Variants in CDH11 observed in about 807,000 individuals in gnomAD.
The protein encoded by CDH11 is cadherin 11.
In CDH11, 11 loss-of-function variants were observed where a neutral mutation model predicts 67.8. The observed-to-expected ratio is 0.16, with a 90% confidence interval of 0.10 to 0.27. The LOEUF (loss-of-function observed/expected upper bound fraction) is 0.27, where lower values mean the gene tolerates loss of function less well. CDH11 is among the 10% of genes least tolerant of loss of function. The pLI is 1.00. For synonymous variants in CDH11, 419 were observed against 400.0 expected, an observed-to-expected ratio of 1.05 and a Z score of -0.57; for missense variants, 847 against 1,031.2, an observed-to-expected ratio of 0.82 and a Z score of 2.45.
At chr16:65,059,280 C>A (rs568987262) in intron 1 of CDH11, among the ~76,000 whole-genome samples, 2 of 152,158 alleles carry the variant, frequency 1.3e-5, no homozygotes, top group East Asian at 1.9e-4. Context: ...TGATGCCCAA[C>A]GTCTATCTGT....
chr16:65,051,135 T>C (rs888648113), intron 2 of CDH11, among the ~76,000 whole-genome samples: 3 of 152,164 alleles, frequency 2.0e-5, no homozygotes, highest in African/African-American at 7.2e-5. Context: ...GGTGCGTTTG[T>C]AGGGGAGTGC....
At chr16:64,957,151 A>G (rs1567488235) in intron 11 of CDH11, among the ~76,000 whole-genome samples, 1 of 152,150 alleles carries the variant, frequency 6.6e-6, no homozygotes, top group East Asian at 1.9e-4. Context: ...TCAGTCACTC[A>G]GCAGCTTCCC....
intron 1 of CDH11, among the ~76,000 whole-genome samples, chr16:65,080,055 C>T (rs962749219): frequency 6.6e-6 from 1 of 152,056 alleles, no homozygotes; most frequent in African/African-American, 2.4e-5. Flanking sequence ...TTGGCTTACA[C>T]TATTTTTTTT....
intron 2 of CDH11, among the ~76,000 whole-genome samples, chr16:65,011,801 C>G (rs1319470163): frequency 6.6e-6 from 1 of 152,060 alleles, no homozygotes; most frequent in Non-Finnish European, 1.5e-5. Context: ...TTCATTTGTT[C>G]TTTTGTATGA....
chr16:64,960,733 G>T (rs556884675), intron 11 of CDH11, among the ~76,000 whole-genome samples: 1 of 152,186 alleles, frequency 6.6e-6, no homozygotes, highest in South Asian at 2.1e-4. Context: ...ACATGGTAGA[G>T]GTAAAGTGTA....
Position 64,945,387 on chromosome 16 carries a change from A to T in CDH11, c.*2216T>A, listed in dbSNP as rs1473431913. The T allele has an allele frequency of 9.7e-7, 1 of 1,030,950 alleles. No individual in the cohort carries two copies. The highest frequency in any genetic ancestry group is 1.7e-5 in the African/African-American group (1 of 59,670). 63.9% of individuals were successfully genotyped at this position (1,030,950 alleles called of 1,614,324 possible). On this transcript the variant is annotated 3_prime_UTR_variant, in exon 13 of 13. Transcript: ENST00000268603. ...GCCTTTTTAAAAAAGACTTCAACATAAAAATGCGAAAATGTAGTTGTCATC... is the reference window on the plus strand; with the variant it reads ...GCCTTTTTAAAAAAGACTTCAACATTAAAATGCGAAAATGTAGTTGTCATC...
At chr16:65,019,656 T>C (rs1412854512) in intron 2 of CDH11, among the ~76,000 whole-genome samples, 3 of 152,124 alleles carry the variant, frequency 2.0e-5, no homozygotes, top group African/African-American at 7.2e-5. Context: ...TTAAGGAGCA[T>C]ATTAGTGTTC....
chr16:65,086,142 T>C (rs2074694503), intron 1 of CDH11, among the ~76,000 whole-genome samples: 1 of 152,234 alleles, frequency 6.6e-6, no homozygotes, highest in African/African-American at 2.4e-5. Context: ...TCTGGAGCTT[T>C]CAGTCCTTGA....
chr16:65,068,228 A>C (rs2074353156), intron 1 of CDH11, among the ~76,000 whole-genome samples: 1 of 147,194 alleles, frequency 6.8e-6, no homozygotes, highest in African/African-American at 2.5e-5. Flanking sequence ...GAAAGAGGGA[A>C]GGAGGGAGGA....
At position 64,998,587 on chromosome 16, in the gene CDH11, G is replaced by A. The variant is rs1015236137; in HGVS notation, c.498C>T (p.Ala166=). The change falls in exon 4 of 13, where the codon GCC becomes GCT. Residue 166 remains alanine, a synonymous_variant. Coordinates refer to ENST00000268603, the MANE Select transcript of CDH11 (RefSeq NM_001797.4). ...PPEFLHETYH[A]NVPERSNVGT... is the part of the protein sequence containing the mutation. ...CCACATTGGACCTCTCAGGCACGTT[G>A]GCATGATAGGTCTCGTGCAGGAACT... 1 of 1,613,980 alleles carries A rather than the reference G, an allele frequency of 6.2e-7. No homozygotes were observed. The highest frequency in any genetic ancestry group is 1.7e-5 in the Admixed American group (1 of 59,998).
intron 11 of CDH11, among the ~76,000 whole-genome samples, chr16:64,956,277 T>C (rs913303770): frequency 4.3e-4 from 66 of 152,350 alleles, no homozygotes; most frequent in African/African-American, 1.4e-3. Context: ...ATTCCATTCA[T>C]AAAGCTACTT....
chr16:64,972,171 CAG>C, intron 9 of CDH11, 107 bp from the exon 10 acceptor site: 1 of 926,278 alleles, frequency 1.1e-6, no homozygotes, highest in East Asian at 2.5e-5. Context: ...CTGGGCAGTG[CAG>C]GGAAAGATGT....
intron 6 of CDH11, among the ~76,000 whole-genome samples, chr16:64,990,588 T>C (rs368573892): frequency 1.6e-5 from 2 of 127,114 alleles, no homozygotes; most frequent in East Asian, 6.9e-4. Flanking sequence ...AACTCTGACT[T>C]TGCCACATTT....
chr16:65,074,068 T>C (rs1370793152), intron 1 of CDH11, among the ~76,000 whole-genome samples: 1 of 152,222 alleles, frequency 6.6e-6, no homozygotes, highest in South Asian at 2.1e-4. Flanking sequence ...ATTTGTTGTT[T>C]TGTTTTGTTC....
At chr16:65,022,242 T>G (rs75942656) in intron 2 of CDH11, among the ~76,000 whole-genome samples, 813 of 30,262 alleles carry the variant, frequency 0.027, 10 homozygotes, top group African/African-American at 0.076. Context: ...AGAAAACCAA[T>G]TTAAAAAAAA....
At chr16:65,075,944 CAG>C (rs746352708) in intron 1 of CDH11, among the ~76,000 whole-genome samples, 91 of 152,282 alleles carry the variant, frequency 6.0e-4, no homozygotes, top group Admixed American at 1.4e-3. Context: ...GATTTATGGG[CAG>C]AGTCTAATAC....
intron 12 of CDH11, among the ~76,000 whole-genome samples, chr16:64,949,978 T>C (rs35146): frequency 0.26 from 39,582 of 152,082 alleles, 5,989 homozygotes; most frequent in Middle Eastern, 0.36. Context: ...CATGAATTCA[T>C]TCGAGGTAGG....
chr16:65,091,040 C>T (rs12708871), intron 1 of CDH11, among the ~76,000 whole-genome samples: 138,466 of 152,306 alleles, frequency 0.91, 63,016 homozygotes, highest in East Asian at 1. Flanking sequence ...CTCTGATATA[C>T]GCATAAGTGC....
chr16:65,059,280 C>T (rs568987262), intron 1 of CDH11, among the ~76,000 whole-genome samples: 220 of 152,274 alleles, frequency 1.4e-3, no homozygotes, highest in African/African-American at 5.0e-3. Flanking sequence ...TGATGCCCAA[C>T]GTCTATCTGT....
Sources: allele counts gnomAD v4.1 joint callset (sites outside exome capture counted in the v4.1 genomes callset), GRCh38; gene constraint gnomAD v4.1.1; transcripts MANE v1.5; gene names NCBI Gene and HGNC (gene_info 2026-07-23, HGNC 2026-07-21).